The following SLC2A13 variants were observed in gnomAD, a reference collection of about 807,000 sequenced individuals.
SLC2A13 encodes proton myo-inositol cotransporter.
In SLC2A13, 32 loss-of-function variants were observed where a neutral mutation model predicts 64.4. The ratio of observed to expected loss-of-function variants is 0.50; its 90% CI spans 0.37 to 0.67. The LOEUF is 0.67. Ranked by LOEUF, SLC2A13 falls within the 30% of genes least tolerant of loss-of-function variation. The pLI is 0.00. For synonymous variants in SLC2A13, 338 were observed against 327.1 expected (o/e 1.03, Z -0.36); for missense variants, 743 against 829.2 (o/e 0.90, Z 1.28).
intron 4 of SLC2A13, among the ~76,000 whole-genome samples, chr12:39,922,649 G>T (rs1334167745): frequency 2.0e-5 from 3 of 152,204 alleles, no homozygotes; most frequent in Admixed American, 6.5e-5. Context: ...ATGACTTTTT[G>T]TGTGTGTATG....
rs2135940323 is a variant in SLC2A13, at chr12:39,871,779, T to A, written c.1198+19A>T. Reference sequence around the variant, plus strand: ...TAGGAAATAAAGTTTATAATTGAATTCTTTATCCAGCCACCTACCTGCTAA... The same window carrying A: ...TAGGAAATAAAGTTTATAATTGAATACTTTATCCAGCCACCTACCTGCTAA... On this transcript the variant is annotated intron_variant, in intron 5 of 9. Transcript: ENST00000280871. The A allele has an allele frequency of 6.3e-7, 1 of 1,580,992 alleles. No individual in the cohort carries two copies. The highest frequency in any genetic ancestry group is 8.6e-7 in the Non-Finnish European group (1 of 1,166,220).
At chr12:39,958,007 C>G (rs1374546141) in intron 3 of SLC2A13, among the ~76,000 whole-genome samples, 1 of 152,206 alleles carries the variant, frequency 6.6e-6, no homozygotes, top group South Asian at 2.1e-4. Context: ...GAAGGACCCA[C>G]AAGAGGTATG....
intron 3 of SLC2A13, among the ~76,000 whole-genome samples, chr12:39,972,018 T>A (rs796885988): frequency 0.052 from 1,961 of 37,518 alleles, 40 homozygotes; most frequent in African/African-American, 0.068. Context: ...ATATATATTT[T>A]TTTTTATATA....
intron 7 of SLC2A13, among the ~76,000 whole-genome samples, chr12:39,811,488 G>A (rs889440361): frequency 3.9e-5 from 6 of 152,004 alleles, no homozygotes; most frequent in South Asian, 2.1e-4. Flanking sequence ...GTCCCCTGAC[G>A]TTCTTGATAT....
At chr12:39,989,872 G>A (rs764841357) in intron 3 of SLC2A13, among the ~76,000 whole-genome samples, 1 of 152,180 alleles carries the variant, frequency 6.6e-6, no homozygotes, top group Non-Finnish European at 1.5e-5. Flanking sequence ...TTTTACAGAT[G>A]AGAAATTACT....
chr12:39,935,855 T>C (rs1347759403), intron 4 of SLC2A13, among the ~76,000 whole-genome samples: 2 of 152,224 alleles, frequency 1.3e-5, no homozygotes, highest in African/African-American at 4.8e-5. Context: ...AGGAGGTACA[T>C]GTACCTTTTT....
At position 39,870,389 on chromosome 12, in the gene SLC2A13, T is replaced by G. The variant is rs564477579; in HGVS notation, c.1198+1409A>C. 5.9e-5 allele frequency among the ~76,000 whole-genome samples: 9 copies of G among 152,318 alleles called. No homozygotes were observed. The East Asian group carries it at 1.7e-3, about 29-fold the overall frequency. On this transcript the variant is annotated intron_variant, in intron 5 of 9. Coordinates refer to ENST00000280871, the MANE Select transcript of SLC2A13 (RefSeq NM_052885.4). ...CACATCACTGCCTGATAGTAATCTA[T>G]CCTTTCGTTGAGAGTTTACTATCCT...
chr12:39,896,052 A>G (rs1029666895), intron 4 of SLC2A13, among the ~76,000 whole-genome samples: 4 of 137,166 alleles, frequency 2.9e-5, no homozygotes, highest in Non-Finnish European at 6.3e-5. Flanking sequence ...ATACGCATGT[A>G]TATATGCATA....
chr12:40,001,069 A>G (rs537129799), intron 3 of SLC2A13, among the ~76,000 whole-genome samples: 1 of 152,234 alleles, frequency 6.6e-6, no homozygotes, highest in Admixed American at 6.5e-5. Flanking sequence ...ATATGTAAAC[A>G]TCAACATGAC....
chr12:39,865,040 C>T (rs1204205182), intron 5 of SLC2A13, among the ~76,000 whole-genome samples, 158 bp from the exon 6 acceptor site: 3 of 152,054 alleles, frequency 2.0e-5, no homozygotes, highest in African/African-American at 7.2e-5. Context: ...AAAAGTACTC[C>T]CAATGTATAA....
chr12:39,820,857 G>T (rs1346355846), intron 7 of SLC2A13, among the ~76,000 whole-genome samples: 1 of 149,778 alleles, frequency 6.7e-6, no homozygotes, highest in African/African-American at 2.4e-5. Context: ...CCCTTTGTTT[G>T]TTCTTCATAA....
chr12:40,076,758 T>G (rs966770917), intron 1 of SLC2A13, among the ~76,000 whole-genome samples: 2 of 152,276 alleles, frequency 1.3e-5, no homozygotes, highest in Non-Finnish European at 2.9e-5. Flanking sequence ...TAATTTACAT[T>G]ACCACCACCA....
chr12:39,853,870 A>G (rs1391056196), intron 6 of SLC2A13, among the ~76,000 whole-genome samples: 2 of 152,186 alleles, frequency 1.3e-5, no homozygotes, highest in African/African-American at 4.8e-5. Flanking sequence ...TGTTAGTTCA[A>G]TTAAATGGCA....
chr12:40,050,542 G>T (rs1368604044), intron 1 of SLC2A13, among the ~76,000 whole-genome samples: 1 of 152,168 alleles, frequency 6.6e-6, no homozygotes, highest in Non-Finnish European at 1.5e-5. Context: ...TGCTCTGGCT[G>T]ACTTAACACT....
chr12:39,919,767 AG>A (rs1945583170), intron 4 of SLC2A13, among the ~76,000 whole-genome samples: 4 of 152,112 alleles, frequency 2.6e-5, no homozygotes, highest in Admixed American at 2.6e-4. Flanking sequence ...ATATTAAAGA[AG>A]GTTATCATTG....
chr12:39,811,319 A>G (rs1438770898), intron 7 of SLC2A13, among the ~76,000 whole-genome samples: 5 of 151,914 alleles, frequency 3.3e-5, no homozygotes, highest in Non-Finnish European at 5.9e-5. Flanking sequence ...ATTGTTTCCT[A>G]CTACCATTAT....
chr12:39,830,479 G>A (rs1206859149), intron 6 of SLC2A13: 5 of 1,200,014 alleles, frequency 4.2e-6, no homozygotes, highest in Admixed American at 7.6e-5. Context: ...GGATCTGAGA[G>A]ACTGAATGTA....
chr12:39,975,461 C>G (rs1237988610), intron 3 of SLC2A13, among the ~76,000 whole-genome samples: 2 of 152,210 alleles, frequency 1.3e-5, no homozygotes, highest in African/African-American at 4.8e-5. Context: ...TCAGTGATGA[C>G]TTAGACAATG....
chr12:39,782,576 T>A (rs1941032132), intron 7 of SLC2A13, among the ~76,000 whole-genome samples: 1 of 152,072 alleles, frequency 6.6e-6, no homozygotes, highest in South Asian at 2.1e-4. Flanking sequence ...ATCAGCAGCA[T>A]GAAAATGGAC....
Sources: allele counts gnomAD v4.1 joint callset (sites outside exome capture counted in the v4.1 genomes callset), GRCh38; gene constraint gnomAD v4.1.1; transcripts MANE v1.5; gene names NCBI Gene and HGNC (gene_info 2026-07-23, HGNC 2026-07-21).